TNS3: variants seen among roughly 807,000 people sequenced by gnomAD.
TNS3 encodes the protein tensin-3.
A neutral mutation model predicts 140.9 loss-of-function variants in TNS3; 45 were observed. The ratio of observed to expected loss-of-function variants is 0.32; its 90% CI spans 0.25 to 0.41. The LOEUF (loss-of-function observed/expected upper bound fraction) is 0.41, where lower values mean the gene tolerates loss of function less well. Ranked by LOEUF, TNS3 falls within the 10% of genes least tolerant of loss-of-function variation. The pLI, the probability that TNS3 is intolerant of heterozygous loss-of-function variation, is 1.00. For synonymous variants in TNS3, 815 were observed against 788.4 expected (o/e 1.03, Z -0.56); for missense variants, 1,716 against 1,906.7 (o/e 0.90, Z 1.86).
At chr7:47,560,796 G>C (rs1800305639) in intron 1 of TNS3, among the ~76,000 whole-genome samples, 1 of 152,188 alleles carries the variant, frequency 6.6e-6, no homozygotes, top group African/African-American at 2.4e-5. Context: ...CTGGAGCCTG[G>C]AGCCTCCAAG....
intron 17 of TNS3, among the ~76,000 whole-genome samples, chr7:47,364,689 C>G (rs1432015578): frequency 2.0e-5 from 3 of 152,216 alleles, no homozygotes; most frequent in Non-Finnish European, 4.4e-5. Context: ...TGCTCCATCT[C>G]CCAGCTTGGT....
At chr7:47,457,295 G>T (rs1796302221) in intron 4 of TNS3, among the ~76,000 whole-genome samples, 1 of 152,014 alleles carries the variant, frequency 6.6e-6, no homozygotes. Context: ...ACTGAAGATG[G>T]AGTGGGGATG....
chr7:47,575,192 T>C (rs1199796887), intron 1 of TNS3, among the ~76,000 whole-genome samples: 1 of 152,206 alleles, frequency 6.6e-6, no homozygotes, highest in East Asian at 1.9e-4. Context: ...CCAAATATCA[T>C]GGTACATCCA....
At chr7:47,561,636 A>T (rs752941363) in intron 1 of TNS3, among the ~76,000 whole-genome samples, 1 of 152,320 alleles carries the variant, frequency 6.6e-6, no homozygotes, top group East Asian at 1.9e-4. Flanking sequence ...GCCAATTTTT[A>T]AAATAAAATT....
At chr7:47,375,329 G>C (rs1371545900) in intron 16 of TNS3, among the ~76,000 whole-genome samples, 1 of 152,310 alleles carries the variant, frequency 6.6e-6, no homozygotes, top group Non-Finnish European at 1.5e-5. Context: ...AAGGGAGGCT[G>C]TCCACTGTCT....
chr7:47,568,842 C>T (rs1316832943), intron 1 of TNS3, among the ~76,000 whole-genome samples: 6 of 152,224 alleles, frequency 3.9e-5, no homozygotes, highest in Non-Finnish European at 8.8e-5. Flanking sequence ...GACACAATGG[C>T]CCTGAAGTGG....
chr7:47,556,667 G>A (rs137906720), intron 1 of TNS3, among the ~76,000 whole-genome samples: 230 of 152,318 alleles, frequency 1.5e-3, no homozygotes, highest in African/African-American at 5.1e-3. Context: ...GTCACACTCT[G>A]GGGGCAGGGG....
intron 1 of TNS3, among the ~76,000 whole-genome samples, chr7:47,575,921 C>T (rs1307115556): frequency 6.6e-6 from 1 of 151,974 alleles, no homozygotes; most frequent in Admixed American, 6.6e-5. Context: ...GTGCCTCCCT[C>T]CTGCGTGCAG....
At chr7:47,392,896 G>A (rs1792610452) in intron 16 of TNS3, among the ~76,000 whole-genome samples, 1 of 152,248 alleles carries the variant, frequency 6.6e-6, no homozygotes, top group Non-Finnish European at 1.5e-5. Flanking sequence ...TGGGGATTCT[G>A]CAGAACTTTG....
chr7:47,578,599 G>A (rs1024796512), intron 1 of TNS3, among the ~76,000 whole-genome samples: 1 of 151,998 alleles, frequency 6.6e-6, no homozygotes, highest in African/African-American at 2.4e-5. Context: ...AGAGGGCCAC[G>A]GTGCTCCTGG....
At chr7:47,444,098 G>C (rs911405793) in intron 4 of TNS3, among the ~76,000 whole-genome samples, 2 of 152,146 alleles carry the variant, frequency 1.3e-5, no homozygotes, top group Non-Finnish European at 2.9e-5. Flanking sequence ...AATCCTAATA[G>C]AGCCAATCTC....
intron 3 of TNS3, among the ~76,000 whole-genome samples, chr7:47,499,630 T>G (rs987327354): frequency 6.6e-5 from 10 of 152,186 alleles, no homozygotes; most frequent in Non-Finnish European, 1.5e-4. Flanking sequence ...AGGCTACACA[T>G]GTATGATTCC....
chr7:47,477,587 A>G (rs528627548), intron 4 of TNS3, among the ~76,000 whole-genome samples: 1 of 152,324 alleles, frequency 6.6e-6, no homozygotes, highest in African/African-American at 2.4e-5. Context: ...CATCTGAGAC[A>G]GAATAGGTAC....
chr7:47,342,567 T>A lies in TNS3; in HGVS notation c.2650+2188A>T, dbSNP rs147891355. ...TTCCATGTGCTTTTTAGTTGTGACA[T>A]TAGGTCACTTCTAGGTTAGACAAGA... On this transcript the variant is annotated intron_variant, in intron 20 of 30. Transcript: ENST00000311160. 4.4e-3 allele frequency among the ~76,000 whole-genome samples: 664 copies of A among 152,348 alleles called. 4 individuals carry two copies. Among genetic ancestry groups the A allele is most frequent in the African/African-American group, 0.015 (628 of 41,570 alleles).
intron 9 of TNS3, 145 bp from the exon 10 acceptor site, chr7:47,424,329 T>C (rs1258200144): frequency 1.5e-6 from 1 of 662,440 alleles, no homozygotes; most frequent in Non-Finnish European, 2.6e-6. Context: ...GCACACCCAA[T>C]CCACCTGTCC....
intron 10 of TNS3, among the ~76,000 whole-genome samples, chr7:47,422,831 T>C (rs1316364103): frequency 6.6e-6 from 1 of 151,868 alleles, no homozygotes; most frequent in Non-Finnish European, 1.5e-5. Context: ...TGTCACGATT[T>C]TGGAAACTGT....
chr7:47,367,063 C>T (rs2462624), intron 17 of TNS3, among the ~76,000 whole-genome samples: 100,906 of 152,126 alleles, frequency 0.66, 35,979 homozygotes, highest in Non-Finnish European at 0.82. Context: ...GGATGCCACA[C>T]TTTCTGGCCC....
intron 3 of TNS3, among the ~76,000 whole-genome samples, chr7:47,489,625 A>C (rs1034509552): frequency 2.6e-5 from 4 of 152,248 alleles, no homozygotes; most frequent in African/African-American, 9.6e-5. Flanking sequence ...ACTGGTAGGG[A>C]ATATAATAGA....
chr7:47,481,692 CTT>C (rs1358891728), intron 3 of TNS3: 1 of 985,302 alleles, frequency 1.0e-6, no homozygotes, highest in Admixed American at 6.1e-5. Flanking sequence ...GGAGAGGAGA[CTT>C]TGACTCCACC....
Sources: gnomAD v4.1 joint callset for allele counts (sites outside exome capture counted in the v4.1 genomes callset) on GRCh38, gnomAD v4.1.1 for gene constraint, MANE v1.5 for transcripts, NCBI Gene and HGNC (gene_info 2026-07-23, HGNC 2026-07-21) for gene names.